The following CCSER1 variants were observed in gnomAD, a reference collection of about 807,000 sequenced individuals.
CCSER1 encodes the protein serine-rich coiled-coil domain-containing protein 1.
A neutral mutation model predicts 82.0 loss-of-function variants in CCSER1; 41 were observed. That is an observed-to-expected ratio of 0.50 (90% CI 0.39 to 0.65). The LOEUF is 0.65. Among genes scored for constraint, CCSER1 ranks in the 30% least tolerant of loss-of-function variants. The pLI, the probability that CCSER1 is intolerant of heterozygous loss-of-function variation, is 0.00. For missense variants in CCSER1, 1,119 were observed against 1,064.2 expected, an observed-to-expected ratio of 1.05 and a Z score of -0.72; for synonymous variants, 414 against 383.9, an observed-to-expected ratio of 1.08 and a Z score of -0.92.
At chr4:91,594,448 CAT>C (rs999331894) in intron 10 of CCSER1, among the ~76,000 whole-genome samples, 1 of 147,742 alleles carries the variant, frequency 6.8e-6, no homozygotes, top group African/African-American at 2.5e-5. Flanking sequence ...CACATATATA[CAT>C]ATATATACAC....
chr4:90,930,612 C>CA (rs1222063842), intron 9 of CCSER1, among the ~76,000 whole-genome samples: 11 of 142,202 alleles, frequency 7.7e-5, no homozygotes, highest in Middle Eastern at 3.5e-3. Flanking sequence ...GACTCTGTCT[C>CA]AAAAAAAAGA....
chr4:91,143,321 A>G (rs935966045), intron 10 of CCSER1, among the ~76,000 whole-genome samples: 3 of 151,608 alleles, frequency 2.0e-5, no homozygotes, highest in African/African-American at 4.8e-5. Flanking sequence ...AGATTTTTGT[A>G]TATTTACTTT....
Position 90,849,754 on chromosome 4 carries a change from A to C in CCSER1, c.2094+33909A>C, listed in dbSNP as rs890276674. On this transcript the variant is annotated intron_variant, in intron 8 of 10. Coordinates refer to ENST00000509176, the MANE Select transcript of CCSER1 (RefSeq NM_001145065.2). Reference sequence around the variant, plus strand: ...CAGTGAGCCGTGATCGTGCCACTGCACTCCAGCCTGGGCAACAGTGCAAAA... The same window carrying C: ...CAGTGAGCCGTGATCGTGCCACTGCCCTCCAGCCTGGGCAACAGTGCAAAA... Among the ~76,000 whole-genome samples the C allele has an allele frequency of 2.4e-4, 35 of 147,310 alleles. No homozygotes were observed. In the East Asian group the frequency reaches 6.4e-3, roughly 27 times the overall value.
intron 7 of CCSER1, among the ~76,000 whole-genome samples, chr4:90,724,337 C>T (rs1308519526): frequency 6.6e-6 from 1 of 151,744 alleles, no homozygotes; most frequent in East Asian, 1.9e-4. Flanking sequence ...ATTCAGCCCT[C>T]ATCTAGTGGT....
intron 8 of CCSER1, among the ~76,000 whole-genome samples, chr4:90,851,109 C>T (rs115118805): frequency 3.3e-5 from 5 of 152,260 alleles, no homozygotes; most frequent in African/African-American, 4.8e-5. Context: ...CCTTCCACCA[C>T]GATTGTTAAG....
intron 10 of CCSER1, among the ~76,000 whole-genome samples, chr4:91,102,770 A>C (rs77146339): frequency 0.016 from 2,426 of 152,320 alleles, 68 homozygotes; most frequent in African/African-American, 0.053. Context: ...ATGTCAATTA[A>C]TATAAAAGAA....
At chr4:90,865,283 G>A (rs1287850339) in intron 8 of CCSER1, among the ~76,000 whole-genome samples, 1 of 151,962 alleles carries the variant, frequency 6.6e-6, no homozygotes, top group African/African-American at 2.4e-5. Context: ...TCATGAATAA[G>A]GATCAAGAAT....
At chr4:90,509,344 G>C (rs1396053814) in intron 5 of CCSER1, among the ~76,000 whole-genome samples, 1 of 151,976 alleles carries the variant, frequency 6.6e-6, no homozygotes, top group Non-Finnish European at 1.5e-5. Flanking sequence ...CAGCACCTGG[G>C]AAGTGTAATA....
chr4:91,181,774 G>A (rs1318546019), intron 10 of CCSER1, among the ~76,000 whole-genome samples: 2 of 152,140 alleles, frequency 1.3e-5, no homozygotes, highest in African/African-American at 4.8e-5. Context: ...TTTTCTAACT[G>A]GGTCCAAGCC....
At chr4:90,533,757 C>A (rs1774930862) in intron 5 of CCSER1, among the ~76,000 whole-genome samples, 1 of 152,114 alleles carries the variant, frequency 6.6e-6, no homozygotes, top group African/African-American at 2.4e-5. Context: ...AATGTAAATG[C>A]CCTAGTATTC....
intron 10 of CCSER1, among the ~76,000 whole-genome samples, chr4:91,497,042 C>G (rs1758960701): frequency 6.6e-6 from 1 of 150,468 alleles, no homozygotes; most frequent in Non-Finnish European, 1.5e-5. Context: ...CAAACTTGAT[C>G]TCTCCACAGA....
rs1736063781 is a variant in CCSER1 at position 91,203,115 on chromosome 4, G to A, written c.2217+117121G>A. On this transcript the variant is annotated intron_variant, in intron 10 of 10. Coordinates refer to ENST00000509176, the MANE Select transcript of CCSER1 (RefSeq NM_001145065.2). ...GAACTAGTTTACAGTCCCACCAACA[G>A]TGTAAAAGTGTTCCTATTTCTCCAC... Among the ~76,000 whole-genome samples the A allele has an allele frequency of 3.3e-5, 5 of 151,854 alleles. No individual in the cohort carries two copies. The South Asian group carries it at 1.0e-3, about 31-fold the overall frequency.
In CCSER1 at chr4:90,932,951, AAAG is replaced by A. The variant is rs1561384415; in HGVS notation, c.2172+9507_2172+9509del. Reference sequence around the variant, plus strand: ...GAAAGAAAGAAAGAAAGAAAGAAAGAAAGAAAGAAAGAAAGAAAGAAAGAAAGA... The same window carrying A: ...GAAAGAAAGAAAGAAAGAAAGAAAGAAAAGAAAGAAAGAAAGAAAGAAAGA... On this transcript the variant is annotated intron_variant, in intron 9 of 10. Coordinates refer to ENST00000509176, the MANE Select transcript of CCSER1 (RefSeq NM_001145065.2). Among the ~76,000 whole-genome samples the A allele has an allele frequency of 3.3e-4, 14 of 42,638 alleles. 4 individuals are homozygous for A. The highest frequency in any genetic ancestry group is 1.9e-3 in the African/African-American group (11 of 5,680). The allele number at this position is 42,638 out of a possible 152,430, so 28.0% of individuals were successfully genotyped here.
chr4:91,594,353 A>C (rs1471777394), intron 10 of CCSER1, among the ~76,000 whole-genome samples: 1 of 143,558 alleles, frequency 7.0e-6, no homozygotes, highest in Admixed American at 7.0e-5. Flanking sequence ...ATACATATAT[A>C]TACACATATA....
intron 5 of CCSER1, among the ~76,000 whole-genome samples, chr4:90,611,059 C>CTTTTCTTTTTTTTTT (rs1303751301): frequency 3.2e-5 from 3 of 93,808 alleles, no homozygotes; most frequent in African/African-American, 1.7e-4. Context: ...CTTTTCTTTT[C>CTTTTCTTTTTTTTTT]TTTTTTTTTT....
At chr4:90,848,149 C>G (rs139110656) in intron 8 of CCSER1, among the ~76,000 whole-genome samples, 55 of 152,120 alleles carry the variant, frequency 3.6e-4, no homozygotes, top group Non-Finnish European at 4.4e-5. Flanking sequence ...AATGTAAACA[C>G]TATGTAAGGG....
intron 9 of CCSER1, among the ~76,000 whole-genome samples, chr4:90,932,763 G>A (rs1481312628): frequency 6.9e-6 from 1 of 144,280 alleles, no homozygotes; most frequent in Non-Finnish European, 1.5e-5. Context: ...GAGAGGCAGA[G>A]GTTGCAGTGA....
At chr4:90,949,433 C>G (rs1732644645) in intron 9 of CCSER1, among the ~76,000 whole-genome samples, 1 of 151,918 alleles carries the variant, frequency 6.6e-6, no homozygotes. Context: ...AAAATCAGAA[C>G]ATAATACGGT....
At chr4:91,431,489 TG>T (rs1201613213) in intron 10 of CCSER1, among the ~76,000 whole-genome samples, 1 of 151,954 alleles carries the variant, frequency 6.6e-6, no homozygotes, top group African/African-American at 2.4e-5. Context: ...GGGCGGTGGA[TG>T]GGGTTTCGCT....
Sources: allele counts gnomAD v4.1 joint callset (sites outside exome capture counted in the v4.1 genomes callset), GRCh38; gene constraint gnomAD v4.1.1; transcripts MANE v1.5; gene names NCBI Gene and HGNC (gene_info 2026-07-23, HGNC 2026-07-21).